Variants in GSDMC observed in about 807,000 individuals in gnomAD.
GSDMC encodes the protein gasdermin-C.
GSDMC carries 59 observed loss-of-function variants against 58.0 expected under a neutral mutation model. That is an observed-to-expected ratio of 1.02 (90% CI 0.82 to 1.26). The LOEUF is 1.26. GSDMC is among the 50% of genes most tolerant of loss of function. The pLI is 0.00. For synonymous variants in GSDMC, 241 were observed against 220.2 expected, an observed-to-expected ratio of 1.09 and a Z score of -0.83; for missense variants, 659 against 598.5, an observed-to-expected ratio of 1.10 and a Z score of -1.06.
At chr8:129,706,508 T>G in the GSDMC span, 1 of 152,226 alleles carries the variant, frequency 6.6e-6, no homozygotes, top group Non-Finnish European at 1.5e-5. Flanking sequence ...ATTTGAGAAC[T>G]ACTGAATTCA....
At chr8:129,739,887 G>C in the GSDMC span, among the ~76,000 whole-genome samples, 1 of 152,140 alleles carries the variant, frequency 6.6e-6, no homozygotes, top group Non-Finnish European at 1.5e-5. Flanking sequence ...AGAAAGCCTT[G>C]TTATCCTAGG....
the GSDMC span, among the ~76,000 whole-genome samples, chr8:129,741,344 T>A: frequency 6.6e-6 from 1 of 152,158 alleles, no homozygotes; most frequent in African/African-American, 2.4e-5. Flanking sequence ...TCTGGTTGTA[T>A]ATGAATTTGG....
downstream of GSDMC, among the ~76,000 whole-genome samples, chr8:129,744,524 C>T (rs187445435): frequency 2.6e-4 from 39 of 152,272 alleles, no homozygotes; most frequent in African/African-American, 9.1e-4. Context: ...GCAGATCCAA[C>T]ATAATGGTAA....
chr8:129,724,462 A>G, the GSDMC span, among the ~76,000 whole-genome samples: 232 of 152,224 alleles, frequency 1.5e-3, 2 homozygotes, highest in Non-Finnish European at 2.4e-3. Flanking sequence ...TTTGTTTGCA[A>G]TAGATAATAC....
intron 1 of GSDMC, among the ~76,000 whole-genome samples, chr8:129,784,991 T>A (rs989112010): frequency 6.6e-6 from 1 of 152,086 alleles, no homozygotes; most frequent in African/African-American, 2.4e-5. Context: ...GGCGGGTGGA[T>A]CAACTGAGGT....
downstream of GSDMC, among the ~76,000 whole-genome samples, chr8:129,744,172 G>T (rs982531553): frequency 2.6e-5 from 4 of 152,150 alleles, no homozygotes; most frequent in Admixed American, 2.0e-4. Context: ...TCTGAACTGT[G>T]GTTCAGAATG....
At chr8:129,769,252 T>A (rs11984716) in intron 3 of GSDMC, among the ~76,000 whole-genome samples, 2,953 of 151,922 alleles carry the variant, frequency 0.019, 85 homozygotes, top group African/African-American at 0.065. Context: ...AAGTCAAAGA[T>A]AAAGAGAAAA....
At chr8:129,733,992 G>T in the GSDMC span, among the ~76,000 whole-genome samples, 1 of 152,146 alleles carries the variant, frequency 6.6e-6, no homozygotes, top group Non-Finnish European at 1.5e-5. Context: ...TGACCTGATG[G>T]AGCTGAAAAC....
the GSDMC span, among the ~76,000 whole-genome samples, chr8:129,722,459 C>T: frequency 2.6e-5 from 4 of 152,200 alleles, no homozygotes; most frequent in African/African-American, 9.6e-5. Context: ...TCCAGAAAGG[C>T]AGAATTTGGC....
chr8:129,707,468 T>C, the GSDMC span, among the ~76,000 whole-genome samples: 1 of 152,098 alleles, frequency 6.6e-6, no homozygotes, highest in Non-Finnish European at 1.5e-5. Flanking sequence ...AAGGAAAAAA[T>C]GTAAGTACCA....
chr8:129,716,520 G>A, the GSDMC span, among the ~76,000 whole-genome samples: 26 of 152,204 alleles, frequency 1.7e-4, no homozygotes, highest in Admixed American at 2.6e-4. Context: ...ATTTGGGGCT[G>A]AGACAATGGG....
the GSDMC span, chr8:129,728,865 G>C: frequency 1.6e-6 from 1 of 636,248 alleles, no homozygotes; most frequent in South Asian, 1.5e-5. Context: ...GTTCGCCTGG[G>C]GCGGGCTCTT....
In GSDMC at chr8:129,777,545, CTT is replaced by C. The variant is rs1178832731; in HGVS notation, c.41_42del (p.Lys14ArgfsTer40). On this transcript the variant is annotated frameshift_variant, in exon 2 of 14. Coordinates refer to ENST00000276708, the MANE Select transcript of GSDMC (RefSeq NM_031415.3). LOFTEE classifies it high-confidence loss of function. ...GGTGTCAGGTCTTTGCTTCCAATCT[CTT>C]TGACCAAATTTTTGCTAATGCGTTC... Reference protein sequence around the residue: ...MLERISKNLVKEIGSKDLTPV... With the variant: ...MLERISKNLVXEIGSKDLTPV... The C allele has an allele frequency of 3.1e-6, 5 of 1,613,196 alleles. No individual in the cohort carries two copies. The highest frequency in any genetic ancestry group is 4.2e-6 in the Non-Finnish European group (5 of 1,179,502).
At chr8:129,735,317 C>T in the GSDMC span, among the ~76,000 whole-genome samples, 4 of 152,338 alleles carry the variant, frequency 2.6e-5, no homozygotes, top group South Asian at 4.1e-4. Flanking sequence ...TAATAGACAT[C>T]TACAGAACTC....
intron 6 of GSDMC, among the ~76,000 whole-genome samples, chr8:129,759,140 G>A (rs1163353074): frequency 2.0e-5 from 3 of 152,136 alleles, no homozygotes; most frequent in Admixed American, 2.0e-4. Flanking sequence ...AAATGGTGCT[G>A]GGAAAACTGG....
At chr8:129,735,373 G>T in the GSDMC span, among the ~76,000 whole-genome samples, 6 of 152,014 alleles carry the variant, frequency 3.9e-5, no homozygotes, top group African/African-American at 1.4e-4. Flanking sequence ...GCACCACATC[G>T]CACTTATTCC....
intron 6 of GSDMC, 90 bp from the exon 7 acceptor site, chr8:129,752,910 C>G: frequency 6.3e-7 from 1 of 1,584,936 alleles, no homozygotes; most frequent in Non-Finnish European, 8.6e-7. Flanking sequence ...CCAGGCTGGG[C>G]TCAATCAGTG....
At chr8:129,774,632 A>G (rs1303189589) in intron 3 of GSDMC, among the ~76,000 whole-genome samples, 7 of 152,148 alleles carry the variant, frequency 4.6e-5, no homozygotes. Context: ...AATGCAACCT[A>G]CAGAATGGTC....
chr8:129,758,092 A>G (rs1408558123), intron 6 of GSDMC, among the ~76,000 whole-genome samples: 1 of 152,278 alleles, frequency 6.6e-6, no homozygotes, highest in Admixed American at 6.5e-5. Flanking sequence ...GATACATTAT[A>G]TCAACAGAAT....
Sources: allele counts gnomAD v4.1 joint callset (sites outside exome capture counted in the v4.1 genomes callset), GRCh38; gene constraint gnomAD v4.1.1; transcripts MANE v1.5; gene names NCBI Gene and HGNC (gene_info 2026-07-23, HGNC 2026-07-21).